Variants in EPS8L1 observed in about 807,000 individuals in gnomAD.
The protein encoded by EPS8L1 is EPS8 signaling adaptor L1.
A neutral mutation model predicts 91.7 loss-of-function variants in EPS8L1; 101 were observed. That is an observed-to-expected ratio of 1.10 (90% CI 0.94 to 1.30). EPS8L1 has a LOEUF of 1.30. EPS8L1 is among the 50% of genes most tolerant of loss of function. The pLI, the probability that EPS8L1 is intolerant of heterozygous loss-of-function variation, is 0.00. For synonymous variants in EPS8L1, 506 were observed against 445.3 expected (o/e 1.14, Z -1.72); for missense variants, 1,114 against 1,017.0 (o/e 1.10, Z -1.30).
At chr19:55,076,019 C>T (rs12460727) in intron 1 of EPS8L1, 100 bp downstream of exon 1, 7 of 136,796 alleles carry the variant, frequency 5.1e-5, no homozygotes, top group Middle Eastern at 6.7e-3. Context: ...TCAGGGAGGA[C>T]GGGCTGGGGG....
rs1049335702 is a variant in EPS8L1 at position 55,081,738 on chromosome 19, G to A, written c.775-35G>A. 13 of 1,576,746 alleles carry A rather than the reference G, an allele frequency of 8.2e-6. No homozygotes were observed. The highest frequency in any genetic ancestry group is 1.7e-4 in the Middle Eastern group (1 of 5,876). The stretch of plus-strand genomic sequence containing the variant: ...TTCGACGGGGATGGTTTTGGAACTC[G>A]GGAGCCCTGAGCGTCCCCCTCCTCT... On this transcript the variant is annotated intron_variant, in intron 8 of 19. Coordinates refer to ENST00000201647, the MANE Select transcript of EPS8L1 (RefSeq NM_133180.3). The surrounding 1 kb of genome is among the most constrained non-coding windows in gnomAD (Gnocchi z 4.9).
In EPS8L1 at chr19:55,081,155, C is replaced by T. The variant is rs2076248815; in HGVS notation, c.513-76C>T. ...TTGAGCCTTTTGAGCCTGTGTGTCT[C>T]GTTCTGCGCCCTGGATTTCCCCCTC... On this transcript the variant is annotated intron_variant, in intron 7 of 19. Transcript: ENST00000201647. This position sits in a 1 kb window ranked among gnomAD's most constrained non-coding sequence, Gnocchi z 4.9. 6 of 1,430,794 alleles carry T rather than the reference C, an allele frequency of 4.2e-6. No homozygotes were observed. The highest frequency in any genetic ancestry group is 1.4e-5 in the African/African-American group (1 of 69,454). 88.6% of individuals were successfully genotyped at this position (1,430,794 alleles called of 1,614,324 possible).
chr19:55,080,843 G>A lies in EPS8L1; in HGVS notation c.501G>A (p.Ala167=), dbSNP rs2076242666. ...GCTCGGGCCGCGGGGAGCGCAGGGC[G>A]GCGGCGCTCAGGTGAGAGGGAAGAA... ...NYRSGRGERR[A]AALRATQEEL... is the part of the protein sequence containing the mutation. The change falls in exon 7 of 20, where the codon GCG becomes GCA. Residue 167 remains alanine (A), a synonymous_variant. Transcript: ENST00000201647. 6 of 1,610,042 alleles carry A rather than the reference G, an allele frequency of 3.7e-6. No individual in the cohort carries two copies. The highest frequency in any genetic ancestry group is 5.1e-6 in the Non-Finnish European group (6 of 1,178,096).
chr19:55,085,608 G>T (rs1768647084), intron 14 of EPS8L1: 6 of 422,330 alleles, frequency 1.4e-5, no homozygotes, highest in Non-Finnish European at 2.5e-5. Context: ...TCTGTAAAAT[G>T]GAATCGATGG....
chr19:55,080,553 G>T (rs1303976850), intron 6 of EPS8L1: 1 of 1,611,418 alleles, frequency 6.2e-7, no homozygotes, highest in Non-Finnish European at 8.5e-7. Context: ...TGGGGGCGAG[G>T]AACCACCCGG....
At position 55,079,737 on chromosome 19, in the gene EPS8L1, G is replaced by A; in HGVS notation, c.165G>A (p.Val55=). The A allele has an allele frequency of 1.2e-6, 2 of 1,614,178 alleles. No homozygotes were observed. Among genetic ancestry groups the A allele is most frequent in the Non-Finnish European group, 1.7e-6 (2 of 1,180,018 alleles). The change falls in exon 5 of 20, where the codon GTG becomes GTA. Residue 55 remains valine, a synonymous_variant. Coordinates refer to ENST00000201647, the MANE Select transcript of EPS8L1 (RefSeq NM_133180.3). The stretch of plus-strand genomic sequence containing the variant: ...GTGAGGACGATGGCGTGCATACCGT[G>A]GAGGATGCCTCCAGGAAGTTGGCCG... ...CLGEDDGVHT[V]EDASRKLAVM...
In EPS8L1 at chr19:55,081,364, C is replaced by G; in HGVS notation, c.646C>G (p.Pro216Ala). 6.4e-7 allele frequency: 1 copy of G among 1,570,680 alleles called. No individual in the cohort carries two copies. The change falls in exon 8 of 20, where the codon CCC becomes GCC. Residue 216 changes from proline (P) to alanine (A), a missense_variant. Physicochemically the swap from Pro to Ala is conservative, Grantham distance 27 (BLOSUM62 -1). Coordinates refer to ENST00000201647, the MANE Select transcript of EPS8L1 (RefSeq NM_133180.3). The surrounding 1 kb of genome is among the most constrained non-coding windows in gnomAD (Gnocchi z 4.9). Reference protein sequence around the residue: ...GAGRGRPQAKPIPEAEEAQRP... With the variant: ...GAGRGRPQAKAIPEAEEAQRP... The stretch of plus-strand genomic sequence containing the variant: ...GGGCCGCGGACGACCCCAGGCGAAG[C>G]CCATTCCCGAGGCAGAGGAGGCGCA...
At chr19:55,086,001 G>T (rs2290476) in intron 15 of EPS8L1, 28 bp downstream of exon 15, 1 of 1,604,366 alleles carries the variant, frequency 6.2e-7, no homozygotes, top group Non-Finnish European at 8.5e-7. Context: ...CTGAGGGGCA[G>T]GAATTAGCCA....
intron 14 of EPS8L1, 112 bp from the exon 15 acceptor site, chr19:55,085,729 G>A: frequency 8.0e-7 from 1 of 1,244,482 alleles, no homozygotes; most frequent in South Asian, 1.5e-5. Flanking sequence ...TATTAACCCG[G>A]CCCCTGCTGT....
rs112110870 is a variant in EPS8L1, at chr19:55,082,295, C to G, written c.1011C>G (p.Ile337Met). ...CCCAGGCCCGGCTGCGCGGCAACAT[C>G]GCCGACCCCTCCTCTCCGGAGCTGT... ...FSLLARLRGNIADPSSPELLH... is the reference protein window; with the variant it reads ...FSLLARLRGNMADPSSPELLH... Residue 337 changes from isoleucine (I) to methionine (M), a missense_variant, in exon 11 of 20, where the codon ATC (isoleucine) becomes ATG (methionine). By Grantham distance (10) the Ile-to-Met change is conservative. Coordinates refer to ENST00000201647, the MANE Select transcript of EPS8L1 (RefSeq NM_133180.3). The G allele has an allele frequency of 6.2e-7, 1 of 1,612,348 alleles. No homozygotes were observed. Among genetic ancestry groups the G allele is most frequent in the African/African-American group, 1.3e-5 (1 of 75,022 alleles).
In EPS8L1 at chr19:55,080,788, A is replaced by C. The variant is rs764798907; in HGVS notation, c.446A>C (p.Glu149Ala). Residue 149 changes from glutamate (E) to alanine (A), a missense_variant, in exon 7 of 20, where the codon GAG (glutamate) becomes GCG (alanine). By Grantham distance (107) the Glu-to-Ala change is moderately radical (BLOSUM62 -1). Coordinates refer to ENST00000201647, the MANE Select transcript of EPS8L1 (RefSeq NM_133180.3). ...GATTGGCAGGCGGAGCTGATCCGAGAGGACATCCAGGGGGCTCTGCACAAT... is the reference window on the plus strand; with the variant it reads ...GATTGGCAGGCGGAGCTGATCCGAGCGGACATCCAGGGGGCTCTGCACAAT... ...GLRLGAELIR[E>A]DIQGALHNYR... 2.5e-6 allele frequency: 4 copies of C among 1,610,524 alleles called. No homozygotes were observed. The Admixed American group carries it at 6.7e-5, about 27-fold the overall frequency.
In EPS8L1 at chr19:55,080,789, G is replaced by A. The variant is rs1228254829; in HGVS notation, c.447G>A (p.Glu149=). The change falls in exon 7 of 20, where the codon GAG becomes GAA. Residue 149 remains glutamate, a synonymous_variant. Coordinates refer to ENST00000201647, the MANE Select transcript of EPS8L1 (RefSeq NM_133180.3). ...ATTGGCAGGCGGAGCTGATCCGAGA[G>A]GACATCCAGGGGGCTCTGCACAATT... The part of the protein sequence containing the change: ...GLRLGAELIR[E]DIQGALHNYR... The A allele has an allele frequency of 1.9e-6, 3 of 1,610,896 alleles. No individual in the cohort carries two copies. The South Asian group carries it at 3.3e-5, about 18-fold the overall frequency.
At chr19:55,077,507 G>A (rs1602904770) in intron 2 of EPS8L1, among the ~76,000 whole-genome samples, 1 of 151,856 alleles carries the variant, frequency 6.6e-6, no homozygotes, top group Admixed American at 6.6e-5. Context: ...AGTAGACAGA[G>A]GGTTTGAATC....
Position 55,081,591 on chromosome 19 carries a change from G to T in EPS8L1, c.774+99G>T. 1 of 1,414,396 alleles carries T rather than the reference G, an allele frequency of 7.1e-7. No individual in the cohort carries two copies. Among genetic ancestry groups the T allele is most frequent in the Non-Finnish European group, 9.3e-7 (1 of 1,072,972 alleles). 87.6% of individuals were successfully genotyped at this position (1,414,396 alleles called of 1,614,324 possible). ...GCCGGCTGCGGGACGGGCGTTCTCT[G>T]GTCAGACTTCTGCGTTATGGAAGAG... On this transcript the variant is annotated intron_variant, in intron 8 of 19. Coordinates refer to ENST00000201647, the MANE Select transcript of EPS8L1 (RefSeq NM_133180.3). This position sits in a 1 kb window ranked among gnomAD's most constrained non-coding sequence, Gnocchi z 4.9.
rs569145060 is a variant in EPS8L1 at position 55,076,553 on chromosome 19, G to A, written c.17+92G>A. 32 of 1,438,968 alleles carry A rather than the reference G, an allele frequency of 2.2e-5. No individual in the cohort carries two copies. The African/African-American group carries it at 4.3e-4, about 19-fold the overall frequency. 89.1% of individuals were successfully genotyped at this position (1,438,968 alleles called of 1,614,324 possible). The stretch of plus-strand genomic sequence containing the variant: ...ACACCCGCTTGCGGCAGCCCAGACT[G>A]TTTGCGGCGGCCCAGACTCTGGCCC... On this transcript the variant is annotated intron_variant, in intron 2 of 19. Coordinates refer to ENST00000201647, the MANE Select transcript of EPS8L1 (RefSeq NM_133180.3).
intron 14 of EPS8L1, among the ~76,000 whole-genome samples, chr19:55,085,484 G>A (rs1158358105): frequency 6.6e-6 from 1 of 152,104 alleles, no homozygotes; most frequent in Non-Finnish European, 1.5e-5. Flanking sequence ...TTTTTATTAT[G>A]CTTATGAGTT....
intron 3 of EPS8L1, 55 bp from the exon 4 acceptor site, chr19:55,078,944 A>T (rs1401880353): frequency 1.9e-6 from 3 of 1,588,494 alleles, no homozygotes; most frequent in East Asian, 4.5e-5. Flanking sequence ...CCTGGGTCTG[A>T]TGGAGGAGGG....
chr19:55,085,445 G>A (rs913775938), intron 14 of EPS8L1, among the ~76,000 whole-genome samples: 7 of 152,302 alleles, frequency 4.6e-5, no homozygotes, highest in East Asian at 1.9e-4. Flanking sequence ...GATTACAGGC[G>A]TGAGCCACCG....
rs1447943097 is a variant in EPS8L1 at position 55,081,035 on chromosome 19, C to G, written c.512+181C>G. 1 of 918,262 alleles carries G rather than the reference C, an allele frequency of 1.1e-6. No individual in the cohort carries two copies. Among genetic ancestry groups the G allele is most frequent in the African/African-American group, 1.7e-5 (1 of 59,732 alleles). The allele number at this position is 918,262 out of a possible 1,614,324, so 56.9% of individuals were successfully genotyped here. A position where few individuals can be genotyped will look rare whatever the true frequency, so the allele number is the denominator to read the frequency against. On this transcript the variant is annotated intron_variant, in intron 7 of 19. Coordinates refer to ENST00000201647, the MANE Select transcript of EPS8L1 (RefSeq NM_133180.3). This position sits in a 1 kb window ranked among gnomAD's most constrained non-coding sequence, Gnocchi z 4.9. ...TTCTCCAGAACTCTGCTTCTTTTCT[C>G]TGTTCCCTGTCCAGGCCCTCAGTTT... is the stretch of plus-strand genomic sequence containing the variant.
Sources: allele counts gnomAD v4.1 joint callset (sites outside exome capture counted in the v4.1 genomes callset), GRCh38; gene constraint gnomAD v4.1.1; non-coding constraint Gnocchi (gnomAD v3.1); transcripts MANE v1.5; gene names NCBI Gene and HGNC (gene_info 2026-07-23, HGNC 2026-07-21).